Variants in DNAH7 observed in about 807,000 individuals in gnomAD.
The protein encoded by DNAH7 is dynein axonemal heavy chain 7.
In DNAH7, 397 loss-of-function variants were observed where a neutral mutation model predicts 444.6. The observed-to-expected ratio is 0.89, with a 90% confidence interval of 0.82 to 0.97. DNAH7 has a LOEUF of 0.97. DNAH7 is among the 50% of genes least tolerant of loss of function. The pLI is 0.00. For missense variants in DNAH7, 4,902 were observed against 4,800.8 expected (o/e 1.02, Z -0.62); for synonymous variants, 1,636 against 1,624.4 (o/e 1.01, Z -0.17).
At chr2:195,874,291 T>C (rs545515653) in intron 38 of DNAH7, among the ~76,000 whole-genome samples, 1 of 152,326 alleles carries the variant, frequency 6.6e-6, no homozygotes, top group Non-Finnish European at 1.5e-5. Flanking sequence ...AGCTTATACA[T>C]TTCTTTTGGA....
At chr2:195,960,970 T>C in intron 17 of DNAH7, 25 bp from the exon 18 acceptor site, 1 of 1,469,284 alleles carries the variant, frequency 6.8e-7, no homozygotes, top group Non-Finnish European at 9.0e-7. Flanking sequence ...ATTGAATATA[T>C]TAGTTATTTT....
chr2:196,029,283 C>A (rs1190129111), intron 5 of DNAH7, among the ~76,000 whole-genome samples: 2 of 151,962 alleles, frequency 1.3e-5, no homozygotes, highest in Non-Finnish European at 1.5e-5. Flanking sequence ...TGTTTTATGG[C>A]AGAAATGCTC....
Position 195,857,649 on chromosome 2 carries a change from C to T in DNAH7, c.8142G>A (p.Leu2714=). The T allele has an allele frequency of 6.2e-7, 1 of 1,613,858 alleles. No individual in the cohort carries two copies. Among genetic ancestry groups the T allele is most frequent in the Non-Finnish European group, 8.5e-7 (1 of 1,179,896 alleles). ...GGATTTTGTCAGCTTTGATTCCTTT[C>T]AAGATGCATATAGCTTCCATAACAA... ...VKLVMEAICI[L]KGIKADKIPD... is the part of the protein sequence containing the mutation. Residue 2714 remains leucine, a synonymous_variant, in exon 44 of 65, where the codon TTG becomes TTA. Coordinates refer to ENST00000312428, the MANE Select transcript of DNAH7 (RefSeq NM_018897.3).
chr2:195,950,200 C>T (rs1690125007), intron 19 of DNAH7, among the ~76,000 whole-genome samples: 3 of 152,206 alleles, frequency 2.0e-5, no homozygotes, highest in Admixed American at 2.0e-4. Context: ...CTTTGCACTC[C>T]TCTGGTAGAA....
chr2:195,938,548 G>A (rs1336212056), intron 19 of DNAH7, among the ~76,000 whole-genome samples: 2 of 152,058 alleles, frequency 1.3e-5, no homozygotes, highest in Non-Finnish European at 2.9e-5. Flanking sequence ...CACATGAACA[G>A]TATTTGTTAT....
intron 34 of DNAH7, among the ~76,000 whole-genome samples, chr2:195,885,428 A>C (rs996688114): frequency 3.3e-5 from 5 of 152,208 alleles, no homozygotes; most frequent in Non-Finnish European, 7.4e-5. Flanking sequence ...GAGATTCTGG[A>C]CTATGCTCAT....
chr2:195,744,833 TCCAC>T (rs1693289790), intron 63 of DNAH7, among the ~76,000 whole-genome samples: 1 of 152,106 alleles, frequency 6.6e-6, no homozygotes, highest in Non-Finnish European at 1.5e-5. Flanking sequence ...AGAAAGGACA[TCCAC>T]ACCAAAAACC....
rs774703431 is a variant in DNAH7, at chr2:195,960,829, G to C, written c.2322C>G (p.Val774=). The C allele has an allele frequency of 1.9e-6, 3 of 1,613,910 alleles. No individual in the cohort carries two copies. The highest frequency in any genetic ancestry group is 2.5e-6 in the Non-Finnish European group (3 of 1,180,010). The part of the protein sequence containing the change: ...NPYLRLYETA[V]EFSSNYRAWT... Reference sequence around the variant, plus strand: ...ATGCTCTATAGTTGCTGCTAAATTCGACAGCAGTTTCATAAAGACGAAGAT... The same window carrying C: ...ATGCTCTATAGTTGCTGCTAAATTCCACAGCAGTTTCATAAAGACGAAGAT... The change falls in exon 18 of 65, where the codon GTC becomes GTG. Residue 774 remains valine (V), a synonymous_variant. Coordinates refer to ENST00000312428, the MANE Select transcript of DNAH7 (RefSeq NM_018897.3).
Position 195,884,580 on chromosome 2 carries a change from C to A in DNAH7, c.5763+5G>T. Reference sequence around the variant, plus strand: ...CAGCTGCAAATCTTGCTTCAGAACTCTTACCTCAGTGACAAATTGATAATC... The same window carrying A: ...CAGCTGCAAATCTTGCTTCAGAACTATTACCTCAGTGACAAATTGATAATC... On this transcript the variant is annotated splice_donor_5th_base_variant and intron_variant, in intron 35 of 64. Coordinates refer to ENST00000312428, the MANE Select transcript of DNAH7 (RefSeq NM_018897.3). The A allele has an allele frequency of 6.2e-7, 1 of 1,611,490 alleles. No homozygotes were observed. The highest frequency in any genetic ancestry group is 1.1e-5 in the South Asian group (1 of 90,868).
intron 61 of DNAH7, among the ~76,000 whole-genome samples, chr2:195,766,167 ATTTTTTT>A (rs755912873): frequency 3.1e-4 from 18 of 57,334 alleles, no homozygotes; most frequent in African/African-American, 6.5e-4. Flanking sequence ...GTGGGAGCTA[ATTTTTTT>A]TTTTTTTTTT....
chr2:195,885,403 TA>T (rs1437833446), intron 34 of DNAH7, among the ~76,000 whole-genome samples: 1 of 151,804 alleles, frequency 6.6e-6, no homozygotes, highest in African/African-American at 2.4e-5. Context: ...GGTCTTTTAT[TA>T]AGTACAAAGC....
intron 10 of DNAH7, among the ~76,000 whole-genome samples, chr2:196,011,442 A>G (rs1462578963): frequency 6.6e-6 from 1 of 152,148 alleles, no homozygotes; most frequent in Non-Finnish European, 1.5e-5. Context: ...GGGAATAATA[A>G]TAAGTAAAGC....
chr2:195,806,407 CACTG>C (rs1696711731), intron 54 of DNAH7, among the ~76,000 whole-genome samples: 1 of 152,118 alleles, frequency 6.6e-6, no homozygotes, highest in South Asian at 2.1e-4. Context: ...ATGTTGACAT[CACTG>C]ACTAATTTCA....
intron 19 of DNAH7, among the ~76,000 whole-genome samples, chr2:195,951,151 A>G (rs2125482255): frequency 6.6e-6 from 1 of 152,226 alleles, no homozygotes; most frequent in South Asian, 2.1e-4. Context: ...CTTTGTTCTC[A>G]TCGGCTTCAA....
intron 58 of DNAH7, among the ~76,000 whole-genome samples, chr2:195,778,733 C>T (rs6716862): frequency 2.1e-3 from 251 of 117,198 alleles, no homozygotes; most frequent in Non-Finnish European, 2.8e-3. Context: ...TATATATACA[C>T]ATATATATAT....
chr2:195,979,801 A>G lies in DNAH7; in HGVS notation c.1833+4831T>C, dbSNP rs1167211567. 5.3e-5 allele frequency among the ~76,000 whole-genome samples: 8 copies of G among 152,066 alleles called. No homozygotes were observed. In the East Asian group the frequency reaches 1.5e-3, roughly 29 times the overall value. On this transcript the variant is annotated intron_variant, in intron 15 of 64. Coordinates refer to ENST00000312428, the MANE Select transcript of DNAH7 (RefSeq NM_018897.3). The stretch of plus-strand genomic sequence containing the variant: ...AAGACATGACAATCAAAACCACAGA[A>G]ATTCAGAGGATCATTAGAGGCTACT...
At chr2:195,765,085 C>A (rs1230511634) in intron 61 of DNAH7, among the ~76,000 whole-genome samples, 1 of 152,106 alleles carries the variant, frequency 6.6e-6, no homozygotes, top group Non-Finnish European at 1.5e-5. Context: ...TAAATCCATA[C>A]ATCTACAGTG....
chr2:195,839,636 T>C (rs1191466151), intron 47 of DNAH7, among the ~76,000 whole-genome samples: 4 of 151,530 alleles, frequency 2.6e-5, no homozygotes, highest in African/African-American at 4.8e-5. Context: ...ACCAAGAAAA[T>C]AGAAAGAATA....
In DNAH7 at chr2:195,972,295, C is replaced by G. The variant is rs766889410; in HGVS notation, c.2005G>C (p.Glu669Gln). The G allele has an allele frequency of 6.2e-7, 1 of 1,614,054 alleles. No individual in the cohort carries two copies. Among genetic ancestry groups the G allele is most frequent in the Non-Finnish European group, 8.5e-7 (1 of 1,179,962 alleles). ...WYGRMGEIFEEHRKIIKEKIE... is the reference protein window; with the variant it reads ...WYGRMGEIFEQHRKIIKEKIE... Reference sequence around the variant, plus strand: ...TTCTCTTTAATGATTTTCCTGTGTTCTTCAAAAATTTCTCCCATCCTTCCA... The same window carrying G: ...TTCTCTTTAATGATTTTCCTGTGTTGTTCAAAAATTTCTCCCATCCTTCCA... Residue 669 changes from glutamate to glutamine, a missense_variant, in exon 16 of 65, where the codon GAA becomes CAA. Transcript: ENST00000312428.
Sources: gnomAD v4.1 joint callset for allele counts (sites outside exome capture counted in the v4.1 genomes callset) on GRCh38, gnomAD v4.1.1 for gene constraint, MANE v1.5 for transcripts, NCBI Gene and HGNC (gene_info 2026-07-23, HGNC 2026-07-21) for gene names.